The following RAB38 variants were observed in gnomAD, a reference collection of about 807,000 sequenced individuals.
RAB38 encodes RAB38, member RAS oncogene family, also known as ras-related protein Rab-38.
In RAB38, 15 loss-of-function variants were observed where a neutral mutation model predicts 18.4. The observed-to-expected ratio is 0.82, with a 90% CI of 0.55 to 1.26. The LOEUF (loss-of-function observed/expected upper bound fraction) is 1.26, where lower values mean the gene tolerates loss of function less well. RAB38 is among the 50% of genes most tolerant of loss of function. The pLI is 0.00. For missense variants in RAB38, 294 were observed against 267.4 expected (o/e 1.10, Z -0.69); for synonymous variants, 101 against 104.4 (o/e 0.97, Z 0.20).
At chr11:87,822,919 T>C in the RAB38 span, among the ~76,000 whole-genome samples, 5 of 152,220 alleles carry the variant, frequency 3.3e-5, no homozygotes, top group African/African-American at 9.6e-5. Context: ...TCAGGTAAAA[T>C]AGACATTAAT....
At chr11:88,031,127 C>T in the RAB38 span, among the ~76,000 whole-genome samples, 1 of 151,770 alleles carries the variant, frequency 6.6e-6, no homozygotes, top group Non-Finnish European at 1.5e-5. Context: ...AAGACAAAAA[C>T]CACATGATTA....
At chr11:88,021,877 T>C in the RAB38 span, among the ~76,000 whole-genome samples, 1 of 150,842 alleles carries the variant, frequency 6.6e-6, no homozygotes, top group Admixed American at 6.6e-5. Flanking sequence ...AAAGTATTCT[T>C]TTTTTATTTT....
the RAB38 span, among the ~76,000 whole-genome samples, chr11:87,942,415 G>A: frequency 6.6e-6 from 1 of 151,988 alleles, no homozygotes; most frequent in Non-Finnish European, 1.5e-5. Flanking sequence ...GTAATAAAGA[G>A]GATCAAATCA....
At chr11:88,157,766 A>AT (rs1943143458) in intron 1 of RAB38, among the ~76,000 whole-genome samples, 1 of 152,176 alleles carries the variant, frequency 6.6e-6, no homozygotes, top group South Asian at 2.1e-4. Context: ...ATAAAGGATA[A>AT]TTTTTAAAAA....
At chr11:87,873,196 T>C in the RAB38 span, among the ~76,000 whole-genome samples, 1 of 151,580 alleles carries the variant, frequency 6.6e-6, no homozygotes, top group African/African-American at 2.4e-5. Context: ...CCCTTAGTAA[T>C]ATATGATGTT....
chr11:88,086,144 A>G, the RAB38 span, among the ~76,000 whole-genome samples: 1 of 151,960 alleles, frequency 6.6e-6, no homozygotes, highest in Non-Finnish European at 1.5e-5. Flanking sequence ...TAGGCATTCC[A>G]GAAATCCCAA....
At chr11:87,821,188 G>A in the RAB38 span, among the ~76,000 whole-genome samples, 1 of 152,018 alleles carries the variant, frequency 6.6e-6, no homozygotes, top group Non-Finnish European at 1.5e-5. Context: ...TTTAAACCAA[G>A]GGAAATAAAG....
At chr11:87,904,352 T>A in the RAB38 span, among the ~76,000 whole-genome samples, 1 of 151,832 alleles carries the variant, frequency 6.6e-6, no homozygotes, top group African/African-American at 2.4e-5. Context: ...TTTGGTTTTC[T>A]ATTCCAGCAT....
chr11:88,090,194 GA>G, the RAB38 span, among the ~76,000 whole-genome samples: 1 of 151,954 alleles, frequency 6.6e-6, no homozygotes, highest in South Asian at 2.1e-4. Flanking sequence ...ATAATTAATA[GA>G]AGCGTCTTTA....
chr11:88,075,964 C>G, the RAB38 span, among the ~76,000 whole-genome samples: 1 of 147,620 alleles, frequency 6.8e-6, no homozygotes, highest in Non-Finnish European at 1.5e-5. Context: ...GGGAATAAAC[C>G]AAACTCAAAA....
chr11:88,168,148 A>C (rs764073152), intron 1 of RAB38, among the ~76,000 whole-genome samples: 4 of 152,164 alleles, frequency 2.6e-5, no homozygotes, highest in Non-Finnish European at 5.9e-5. Flanking sequence ...GTCATGTTCT[A>C]CTTATGCTTG....
At chr11:88,022,279 A>G in the RAB38 span, among the ~76,000 whole-genome samples, 1 of 151,764 alleles carries the variant, frequency 6.6e-6, no homozygotes, top group Admixed American at 6.6e-5. Context: ...AAAGCATTTG[A>G]ACTAATTTAA....
the RAB38 span, among the ~76,000 whole-genome samples, chr11:88,049,713 A>G: frequency 6.6e-6 from 1 of 152,004 alleles, no homozygotes; most frequent in African/African-American, 2.4e-5. Context: ...GCTCCGTGAG[A>G]AAGATCCACC....
At chr11:87,878,264 ATC>A in the RAB38 span, among the ~76,000 whole-genome samples, 1 of 96,578 alleles carries the variant, frequency 1.0e-5, no homozygotes, top group Non-Finnish European at 1.9e-5. Context: ...CTATCTATCT[ATC>A]TATCTATCTA....
chr11:87,805,604 TACACACACACACACACACGC>T, the RAB38 span, among the ~76,000 whole-genome samples: 3 of 145,414 alleles, frequency 2.1e-5, no homozygotes, highest in African/African-American at 7.6e-5. Context: ...GAGAAAACAC[TACACACACACACACACACGC>T]ACACACACAC....
At chr11:88,091,821 T>A in the RAB38 span, among the ~76,000 whole-genome samples, 21 of 151,978 alleles carry the variant, frequency 1.4e-4, no homozygotes, top group Admixed American at 4.6e-4. Flanking sequence ...GTACTGCTCT[T>A]TATGGTCAGC....
intron 1 of RAB38, chr11:88,166,244 A>C (rs1397149215): frequency 1.3e-5 from 2 of 152,120 alleles, no homozygotes; most frequent in Non-Finnish European, 2.9e-5. Flanking sequence ...TTAAAGCCAA[A>C]CTGTGGATGA....
the RAB38 span, among the ~76,000 whole-genome samples, chr11:87,855,557 G>T: frequency 6.6e-6 from 1 of 152,044 alleles, no homozygotes; most frequent in Admixed American, 6.6e-5. Context: ...ATTAAAGTTA[G>T]GTTGGAGAAT....
At chr11:87,953,838 G>A in the RAB38 span, among the ~76,000 whole-genome samples, 2 of 151,196 alleles carry the variant, frequency 1.3e-5, no homozygotes, top group Admixed American at 1.3e-4. Flanking sequence ...GGCCCAAGAT[G>A]GAATCTGTGT....
Sources: gnomAD v4.1 joint callset for allele counts (sites outside exome capture counted in the v4.1 genomes callset) on GRCh38, gnomAD v4.1.1 for gene constraint, MANE v1.5 for transcripts, NCBI Gene and HGNC (gene_info 2026-07-23, HGNC 2026-07-21) for gene names.